Variants in SPMIP3 observed in about 807,000 individuals in gnomAD.
SPMIP3 encodes protein SPMIP3.
At chr1:244,378,159 G>C in the SPMIP3 span, among the ~76,000 whole-genome samples, 2,831 of 152,196 alleles carry the variant, frequency 0.019, 55 homozygotes, top group Non-Finnish European at 0.027. Context: ...CACTGGGAAA[G>C]GGCACCGGGG....
the SPMIP3 span, among the ~76,000 whole-genome samples, chr1:244,370,953 G>A: frequency 4.6e-5 from 7 of 152,274 alleles, no homozygotes; most frequent in South Asian, 1.5e-3. Context: ...GATCATTTCT[G>A]TAAAAATGCT....
chr1:244,354,814 A>G, the SPMIP3 span, among the ~76,000 whole-genome samples: 1 of 152,360 alleles, frequency 6.6e-6, no homozygotes, highest in South Asian at 2.1e-4. Flanking sequence ...TTTCTGAAAC[A>G]AATGTGACTT....
At chr1:244,383,984 C>T in the SPMIP3 span, among the ~76,000 whole-genome samples, 6 of 152,178 alleles carry the variant, frequency 3.9e-5, no homozygotes, top group African/African-American at 1.2e-4. Flanking sequence ...GTACACTGCT[C>T]GGGTGATGGA....
At chr1:244,373,421 G>T in the SPMIP3 span, among the ~76,000 whole-genome samples, 101,943 of 142,982 alleles carry the variant, frequency 0.71, 37,008 homozygotes, top group Non-Finnish European at 0.76. Flanking sequence ...GAGGATCTCT[G>T]GATCCCAGGA....
At chr1:244,378,226 C>T in the SPMIP3 span, among the ~76,000 whole-genome samples, 14 of 152,162 alleles carry the variant, frequency 9.2e-5, no homozygotes, top group African/African-American at 2.9e-4. Context: ...GAGTGTGATA[C>T]GCATCACCTC....
chr1:244,352,982 A>C, the SPMIP3 span, among the ~76,000 whole-genome samples: 2 of 152,194 alleles, frequency 1.3e-5, no homozygotes. Context: ...GGGTACACCT[A>C]TATTAAATAA....
At chr1:244,369,313 G>A in the SPMIP3 span, among the ~76,000 whole-genome samples, 2 of 152,250 alleles carry the variant, frequency 1.3e-5, no homozygotes, top group Non-Finnish European at 2.9e-5. Flanking sequence ...TAAATTCAGT[G>A]TGTTGTAGAA....
chr1:244,367,146 T>C, the SPMIP3 span, among the ~76,000 whole-genome samples: 1 of 151,920 alleles, frequency 6.6e-6, no homozygotes, highest in Non-Finnish European at 1.5e-5. Flanking sequence ...AAAGAAGCCA[T>C]GACATGATGA....
At chr1:244,364,751 G>A in the SPMIP3 span, 62 of 1,613,788 alleles carry the variant, frequency 3.8e-5, no homozygotes, top group African/African-American at 8.0e-5. Flanking sequence ...CAGTGATCCC[G>A]CCAAGGTATA....
the SPMIP3 span, among the ~76,000 whole-genome samples, chr1:244,358,797 CTGAG>C: frequency 1.3e-5 from 2 of 152,034 alleles, no homozygotes; most frequent in Non-Finnish European, 2.9e-5. Context: ...ATAACTGAAA[CTGAG>C]TGAATGGTAG....
chr1:244,372,649 T>G, the SPMIP3 span, among the ~76,000 whole-genome samples: 1 of 151,988 alleles, frequency 6.6e-6, no homozygotes, highest in Non-Finnish European at 1.5e-5. Context: ...TTCACCGCGT[T>G]AGCCAGGATG....
the SPMIP3 span, among the ~76,000 whole-genome samples, chr1:244,369,951 A>C: frequency 6.6e-6 from 1 of 152,200 alleles, no homozygotes; most frequent in East Asian, 1.9e-4. Flanking sequence ...GCTGGCCCTC[A>C]GGTAGCCCTT....
chr1:244,377,685 T>G, the SPMIP3 span, among the ~76,000 whole-genome samples: 1 of 152,194 alleles, frequency 6.6e-6, no homozygotes, highest in South Asian at 2.1e-4. Context: ...CACTACATTT[T>G]GGTTGTTCTT....
chr1:244,371,361 A>G, the SPMIP3 span, among the ~76,000 whole-genome samples: 1 of 152,150 alleles, frequency 6.6e-6, no homozygotes, highest in Non-Finnish European at 1.5e-5. Context: ...TGCTTTCACA[A>G]TCATTCACTG....
chr1:244,360,505 GAT>G, the SPMIP3 span, among the ~76,000 whole-genome samples: 100,286 of 139,524 alleles, frequency 0.72, 36,062 homozygotes, highest in Admixed American at 0.79. Context: ...AAGAAAACGT[GAT>G]ATACACACAC....
the SPMIP3 span, among the ~76,000 whole-genome samples, chr1:244,370,119 T>C: frequency 6.6e-6 from 1 of 152,228 alleles, no homozygotes. Flanking sequence ...TCTGTTGCCC[T>C]TTCCATCTGC....
chr1:244,380,624 G>C, the SPMIP3 span, among the ~76,000 whole-genome samples: 57 of 152,172 alleles, frequency 3.7e-4, no homozygotes, highest in Non-Finnish European at 6.3e-4. Context: ...TTCAGCCCCA[G>C]GTCATTTCAA....
the SPMIP3 span, among the ~76,000 whole-genome samples, chr1:244,373,332 T>TTTTATATATATATATATA: frequency 7.3e-4 from 62 of 85,200 alleles, 10 homozygotes; most frequent in East Asian, 4.3e-3. Context: ...CAAAAAAAAA[T>TTTTATATATATATATATA]TATATATATA....
chr1:244,373,931 T>C, the SPMIP3 span, among the ~76,000 whole-genome samples: 196 of 152,104 alleles, frequency 1.3e-3, no homozygotes, highest in Non-Finnish European at 2.1e-3. Flanking sequence ...CTAGCCACCA[T>C]GGTGAAACCC....
Sources: gnomAD v4.1 joint callset for allele counts (sites outside exome capture counted in the v4.1 genomes callset) on GRCh38, gnomAD v4.1.1 for gene constraint, MANE v1.5 for transcripts, NCBI Gene and HGNC (gene_info 2026-07-23, HGNC 2026-07-21) for gene names.